ZNF226: variants seen among roughly 807,000 people sequenced by gnomAD.
ZNF226 encodes the protein Kruppel-associated box protein.
ZNF226 carries 6 observed loss-of-function variants against 11.4 expected under a neutral mutation model. That is an observed-to-expected ratio of 0.53 (90% CI 0.29 to 1.04). The LOEUF (loss-of-function observed/expected upper bound fraction) is 1.04. Ranked by LOEUF, ZNF226 falls within the 50% of genes least tolerant of loss-of-function variation. The probability of loss-of-function intolerance (pLI) is 0.08; values close to 1 mark genes in which losing one functional copy is unlikely to be tolerated. For synonymous variants in ZNF226, 350 were observed against 322.8 expected (o/e 1.08, Z -0.90); for missense variants, 1,058 against 956.5 (o/e 1.11, Z -1.40).
intron 3 of ZNF226, among the ~76,000 whole-genome samples, chr19:44,171,173 A>T (rs1481975748): frequency 6.6e-6 from 1 of 152,158 alleles, no homozygotes; most frequent in East Asian, 1.9e-4. Context: ...TTTCTGAAAA[A>T]ATCAATTTTG....
the ZNF226 span, among the ~76,000 whole-genome samples, chr19:44,192,683 G>T: frequency 2.0e-5 from 3 of 152,202 alleles, no homozygotes; most frequent in Admixed American, 1.3e-4. Flanking sequence ...ATTTTTAAAT[G>T]AGGGAGATAG....
Position 44,176,533 on chromosome 19 carries a change from G to A in ZNF226, c.1271G>A (p.Cys424Tyr). The change falls in exon 6 of 6, where the codon TGT becomes TAT. Residue 424 changes from cysteine to tyrosine, a missense_variant. By Grantham distance (194) the Cys-to-Tyr change is radical. Coordinates refer to ENST00000337433, the MANE Select transcript of ZNF226 (RefSeq NM_001032373.2). ...GAGAAACCATACAAATGTGAGGAGT[G>A]TGGTAAGGGCTTCATTTGTAGCTCA... ...TGEKPYKCEECGKGFICSSNL... is the reference protein window; with the variant it reads ...TGEKPYKCEEYGKGFICSSNL... 6.2e-7 allele frequency: 1 copy of A among 1,614,204 alleles called. No individual in the cohort carries two copies. Among genetic ancestry groups the A allele is most frequent in the Non-Finnish European group, 8.5e-7 (1 of 1,180,032 alleles).
chr19:44,197,715 G>T, the ZNF226 span, among the ~76,000 whole-genome samples: 3 of 152,042 alleles, frequency 2.0e-5, no homozygotes, highest in Non-Finnish European at 4.4e-5. Flanking sequence ...TGTCTATTTG[G>T]TTGTCAGTCT....
chr19:44,179,347 A>T (rs1049268518), downstream of ZNF226, among the ~76,000 whole-genome samples: 1 of 152,310 alleles, frequency 6.6e-6, no homozygotes, highest in East Asian at 1.9e-4. Flanking sequence ...TTATAGTAAA[A>T]TACTGTTATT....
intron 3 of ZNF226, among the ~76,000 whole-genome samples, chr19:44,170,432 C>G (rs1280416960): frequency 6.6e-6 from 1 of 151,866 alleles, no homozygotes; most frequent in Non-Finnish European, 1.5e-5. Context: ...GAAACCCCAT[C>G]TTTACTAAAA....
intron 2 of ZNF226, among the ~76,000 whole-genome samples, chr19:44,168,174 C>G (rs1012176895): frequency 6.6e-6 from 1 of 151,206 alleles, no homozygotes. Context: ...GTAGACCTGT[C>G]TCATTCTTGT....
the ZNF226 span, among the ~76,000 whole-genome samples, chr19:44,194,906 G>A: frequency 1.3e-5 from 2 of 152,130 alleles, no homozygotes; most frequent in African/African-American, 4.8e-5. Flanking sequence ...TCAGAAACAA[G>A]CAGGGAAAAC....
intron 2 of ZNF226, among the ~76,000 whole-genome samples, chr19:44,167,136 A>G (rs1394587760): frequency 6.6e-6 from 1 of 152,066 alleles, no homozygotes; most frequent in Non-Finnish European, 1.5e-5. Context: ...CTGAAGATCT[A>G]TTTCTCCCAG....
the ZNF226 span, among the ~76,000 whole-genome samples, chr19:44,193,485 G>C: frequency 6.6e-6 from 1 of 151,978 alleles, no homozygotes; most frequent in Non-Finnish European, 1.5e-5. Context: ...TCTTATGAGG[G>C]AAGTGGACCA....
chr19:44,168,824 C>A (rs1198610356), intron 2 of ZNF226, among the ~76,000 whole-genome samples: 1 of 152,038 alleles, frequency 6.6e-6, no homozygotes, highest in Admixed American at 6.6e-5. Context: ...ATGTAGCCAT[C>A]TTATTCCTCA....
chr19:44,180,086 C>CAAAAAAA (rs60173546), downstream of ZNF226, among the ~76,000 whole-genome samples: 8 of 54,738 alleles, frequency 1.5e-4, no homozygotes, highest in African/African-American at 3.3e-4. Flanking sequence ...GACTCTGTCT[C>CAAAAAAA]AAAAAAAAAA....
chr19:44,179,532 GAGTGAATATATATTTGC>G, downstream of ZNF226, among the ~76,000 whole-genome samples: 1 of 152,296 alleles, frequency 6.6e-6, no homozygotes, highest in East Asian at 1.9e-4. Flanking sequence ...GCATTGGTAA[GAGTGAATATATATTTGC>G]AGTGAATGCA....
intron 5 of ZNF226, chr19:44,173,320 TGTCC>T (rs1568568023): frequency 6.3e-6 from 2 of 315,106 alleles, no homozygotes; most frequent in Non-Finnish European, 1.1e-5. Flanking sequence ...CCAGCCACAT[TGTCC>T]TCCCTCTTGC....
In ZNF226 at chr19:44,177,069, A is replaced by C. The variant is rs1442943935; in HGVS notation, c.1807A>C (p.Lys603Gln). 12 of 1,612,660 alleles carry C rather than the reference A, an allele frequency of 7.4e-6. No homozygotes were observed. Among genetic ancestry groups the C allele is most frequent in the Non-Finnish European group, 9.3e-6 (11 of 1,179,640 alleles). Residue 603 changes from lysine to glutamine, a missense_variant, in exon 6 of 6, where the codon AAA becomes CAA. By Grantham distance (53) the Lys-to-Gln change is moderately conservative. Coordinates refer to ENST00000337433, the MANE Select transcript of ZNF226 (RefSeq NM_001032373.2). ...GKGFSRRADL[K>Q]IHCRIHTGEK... ...GGGATTTAGTCGTAGAGCAGATCTT[A>C]AAATTCACTGTAGGATCCACACAGG...
intron 3 of ZNF226, among the ~76,000 whole-genome samples, chr19:44,170,522 G>A (rs1224242444): frequency 6.6e-6 from 1 of 152,056 alleles, no homozygotes; most frequent in African/African-American, 2.4e-5. Flanking sequence ...GGATCACAAG[G>A]TCAGGAGATC....
the ZNF226 span, among the ~76,000 whole-genome samples, chr19:44,185,267 G>C: frequency 1.3e-5 from 2 of 152,112 alleles, no homozygotes; most frequent in African/African-American, 4.8e-5. Flanking sequence ...ATATATACCC[G>C]GAAGTGGGAT....
At position 44,175,878 on chromosome 19, in the gene ZNF226, A is replaced by G. The variant is rs551109276; in HGVS notation, c.616A>G (p.Ile206Val). 1.5e-5 allele frequency: 24 copies of G among 1,613,108 alleles called. No homozygotes were observed. In the African/African-American group the frequency reaches 2.0e-4, roughly 13 times the overall value. ...LCQCKKGVDP[I>V]GWISHHDGHR... ...TCAATGTAAGAAGGGTGTTGATCCC[A>G]TCGGTTGGATTTCACATCATGATGG... Residue 206 changes from isoleucine to valine, a missense_variant, in exon 6 of 6, where the codon ATC becomes GTC. Ile to Val is a conservative substitution (Grantham distance 29). Coordinates refer to ENST00000337433, the MANE Select transcript of ZNF226 (RefSeq NM_001032373.2).
chr19:44,171,339 T>C (rs909076261), intron 3 of ZNF226, among the ~76,000 whole-genome samples: 1 of 152,046 alleles, frequency 6.6e-6, no homozygotes, highest in Non-Finnish European at 1.5e-5. Context: ...AATATTAGAC[T>C]TTTTTTTACT....
chr19:44,194,156 G>A, the ZNF226 span, among the ~76,000 whole-genome samples: 187 of 152,300 alleles, frequency 1.2e-3, 1 homozygote, highest in African/African-American at 4.3e-3. Context: ...GTGCCTCAGT[G>A]GTAATCTTCC....
Sources: allele counts gnomAD v4.1 joint callset (sites outside exome capture counted in the v4.1 genomes callset), GRCh38; gene constraint gnomAD v4.1.1; transcripts MANE v1.5; gene names NCBI Gene and HGNC (gene_info 2026-07-23, HGNC 2026-07-21).